The following CIB2 variants were observed in gnomAD, a reference collection of about 807,000 sequenced individuals.
CIB2 encodes the protein calcium and integrin-binding family member 2.
In CIB2, 19 loss-of-function variants were observed where a neutral mutation model predicts 23.1. That is an observed-to-expected ratio of 0.82 (90% CI 0.57 to 1.21). The LOEUF is 1.21. CIB2 is among the 50% of genes most tolerant of loss of function. The pLI is 0.00. For missense variants in CIB2, 220 were observed against 241.5 expected (o/e 0.91, Z 0.59); for synonymous variants, 94 against 91.7 (o/e 1.03, Z -0.14).
At chr15:78,117,242 C>A (rs2074252370) in intron 2 of CIB2, among the ~76,000 whole-genome samples, 1 of 30,332 alleles carries the variant, frequency 3.3e-5, no homozygotes, top group Admixed American at 6.4e-4. Flanking sequence ...CTTCAAGCTA[C>A]TGGCAAAAAA....
At chr15:78,126,005 G>A (rs2074375704) in intron 1 of CIB2, among the ~76,000 whole-genome samples, 1 of 152,112 alleles carries the variant, frequency 6.6e-6, no homozygotes, top group Non-Finnish European at 1.5e-5. Context: ...TTAGCCAATG[G>A]GGGTGGGCAT....
At chr15:78,125,222 G>C (rs1440782568) in intron 1 of CIB2, among the ~76,000 whole-genome samples, 1 of 152,212 alleles carries the variant, frequency 6.6e-6, no homozygotes, top group Non-Finnish European at 1.5e-5. Context: ...ACAGGCTGGA[G>C]ACACAGTGGG....
Position 78,104,922 on chromosome 15 carries a change from G to C in CIB2, c.*389C>G. 5.6e-6 allele frequency: 1 copy of C among 179,490 alleles called. No individual in the cohort carries two copies. Among genetic ancestry groups the C allele is most frequent in the Non-Finnish European group, 1.2e-5 (1 of 85,486 alleles). The allele number at this position is 179,490 out of a possible 1,614,324, so 11.1% of individuals were successfully genotyped here. A position where few individuals can be genotyped will look rare whatever the true frequency, so the allele number is the denominator to read the frequency against. On this transcript the variant is annotated 3_prime_UTR_variant, in exon 6 of 6. Transcript: ENST00000258930. This position sits in a 1 kb window ranked among gnomAD's most constrained non-coding sequence, Gnocchi z 4.4. ...ACCCTGACCTCTTTTTTTTTTTTCC[G>C]CTCTGTCCTGGGTGACCAGGGTGTC...
At chr15:78,125,840 C>T (rs898462252) in intron 1 of CIB2, among the ~76,000 whole-genome samples, 1 of 152,154 alleles carries the variant, frequency 6.6e-6, no homozygotes, top group Non-Finnish European at 1.5e-5. Context: ...GTAGAGAAAT[C>T]CCCAAGGATG....
chr15:78,129,187 A>T (rs1384855505), intron 1 of CIB2, among the ~76,000 whole-genome samples: 2 of 152,012 alleles, frequency 1.3e-5, no homozygotes, highest in Non-Finnish European at 1.5e-5. Context: ...AGGGTGCTGT[A>T]ACTCAGGCTC....
At chr15:78,130,247 G>T (rs1319869264) in intron 1 of CIB2, among the ~76,000 whole-genome samples, 1 of 118,512 alleles carries the variant, frequency 8.4e-6, no homozygotes, top group African/African-American at 5.8e-5. Flanking sequence ...ATCCTCTGGA[G>T]GGGGGAAAGG....
At chr15:78,107,991 G>A (rs1221830061) in intron 4 of CIB2, among the ~76,000 whole-genome samples, 1 of 152,046 alleles carries the variant, frequency 6.6e-6, no homozygotes, top group Non-Finnish European at 1.5e-5. Context: ...GACCAACATG[G>A]TGAAACCCCA....
chr15:78,109,245 G>C lies in CIB2; in HGVS notation c.336C>G (p.Phe112Leu). The part of the protein sequence containing the change: ...APRELKANYA[F>L]KIYDFNTDNF... ...TCTAGCCCTGGTTACCATAGATCTT[G>C]AAGGCATAGTTTGCCTTGAGCTCTC... The change falls in exon 4 of 6, where the codon TTC becomes TTG. Residue 112 changes from phenylalanine (F) to leucine (L), a missense_variant. Physicochemically the swap from Phe to Leu is conservative, Grantham distance 22. Coordinates refer to ENST00000258930, the MANE Select transcript of CIB2 (RefSeq NM_006383.4). 1 of 1,603,304 alleles carries C rather than the reference G, an allele frequency of 6.2e-7. No individual in the cohort carries two copies. The highest frequency in any genetic ancestry group is 1.4e-5 in the African/African-American group (1 of 71,518).
At chr15:78,111,989 C>T (rs2074166790) in intron 2 of CIB2, among the ~76,000 whole-genome samples, 1 of 152,152 alleles carries the variant, frequency 6.6e-6, no homozygotes, top group Non-Finnish European at 1.5e-5. Context: ...TAACTGGGGG[C>T]CATCGGGACC....
chr15:78,116,088 A>G (rs927278835), intron 2 of CIB2, among the ~76,000 whole-genome samples: 4 of 152,216 alleles, frequency 2.6e-5, no homozygotes, highest in Non-Finnish European at 5.9e-5. Context: ...GCAACTCTTT[A>G]CACAGCATTT....
At chr15:78,110,866 C>A in intron 3 of CIB2, 1 of 493,222 alleles carries the variant, frequency 2.0e-6, no homozygotes, top group Non-Finnish European at 4.0e-6. Flanking sequence ...TCTAACAAAG[C>A]AGACACAGGT....
At chr15:78,117,009 T>A in intron 2 of CIB2, among the ~76,000 whole-genome samples, 1 of 151,300 alleles carries the variant, frequency 6.6e-6, no homozygotes, top group Admixed American at 6.6e-5. Context: ...ATGTACTAAT[T>A]TTGAAGTATC....
At chr15:78,105,591 G>A (rs780583149) in intron 5 of CIB2, 148 bp downstream of exon 5, 113 of 1,517,062 alleles carry the variant, frequency 7.4e-5, no homozygotes, top group South Asian at 8.8e-5. Flanking sequence ...CCAGTCACAC[G>A]TCTAGGGCAA....
intron 2 of CIB2, chr15:78,120,811 C>T: frequency 2.3e-6 from 2 of 878,170 alleles, no homozygotes; most frequent in Non-Finnish European, 2.7e-6. Context: ...GGTCAGTACG[C>T]AGGGAGCAGC....
chr15:78,108,072 T>C (rs948439254), intron 4 of CIB2, among the ~76,000 whole-genome samples: 3 of 151,590 alleles, frequency 2.0e-5, no homozygotes, highest in African/African-American at 7.3e-5. Context: ...CTCAGGAGGC[T>C]GAGGCAGGAG....
rs556838511 is a variant in CIB2, at chr15:78,129,470, C to A, written c.51+1695G>T. ...CTGCTTGCCCCTGCCCACTCCCAAGCCTTTATCCACGCTGTCCCCTCCACC... is the reference window on the plus strand; with the variant it reads ...CTGCTTGCCCCTGCCCACTCCCAAGACTTTATCCACGCTGTCCCCTCCACC... On this transcript the variant is annotated intron_variant, in intron 1 of 5. Transcript: ENST00000258930. Among the ~76,000 whole-genome samples, 16 of 151,998 alleles carry A rather than the reference C, an allele frequency of 1.1e-4. No homozygotes were observed. The South Asian group carries it at 3.3e-3, about 32-fold the overall frequency.
Position 78,126,879 on chromosome 15 carries a change from C to T in CIB2, c.52-3140G>A, listed in dbSNP as rs150491831. Among the ~76,000 whole-genome samples, 706 of 152,304 alleles carry T rather than the reference C, an allele frequency of 4.6e-3. 13 individuals carry two copies. The highest frequency in any genetic ancestry group is 0.017 in the African/African-American group (691 of 41,556). On this transcript the variant is annotated intron_variant, in intron 1 of 5. Transcript: ENST00000258930. ...GGACTCACCCCAAGGAGGCAGTGCA[C>T]AGGTAGTGAATATGGCAGGTGTTCT... is the stretch of plus-strand genomic sequence containing the variant.
chr15:78,107,754 C>A (rs1357295135), intron 4 of CIB2, among the ~76,000 whole-genome samples: 1 of 152,240 alleles, frequency 6.6e-6, no homozygotes, highest in African/African-American at 2.4e-5. Context: ...AAGCTTTTTA[C>A]ATGAGCCATG....
intron 3 of CIB2, 112 bp from the exon 4 acceptor site, chr15:78,109,494 G>T (rs1317918980): frequency 1.7e-6 from 2 of 1,211,720 alleles, no homozygotes; most frequent in Non-Finnish European, 1.2e-6. Context: ...ATCCCTCTGA[G>T]CCTCGGTTTC....
Sources: gnomAD v4.1 joint callset for allele counts (sites outside exome capture counted in the v4.1 genomes callset) on GRCh38, gnomAD v4.1.1 for gene constraint, Gnocchi (gnomAD v3.1) non-coding constraint, MANE v1.5 for transcripts, NCBI Gene and HGNC (gene_info 2026-07-23, HGNC 2026-07-21) for gene names.